The following DDX31 variants were observed in gnomAD, a reference collection of about 807,000 sequenced individuals.
DDX31 encodes the protein DEAD-box helicase 31, also known as ATP-dependent DNA helicase DDX31.
A neutral mutation model predicts 91.3 loss-of-function variants in DDX31; 70 were observed. The ratio of observed to expected loss-of-function variants is 0.77; its 90% CI spans 0.63 to 0.94. The LOEUF (loss-of-function observed/expected upper bound fraction) is 0.94, where lower values mean the gene tolerates loss of function less well. DDX31 is among the 40% of genes least tolerant of loss of function. The pLI is 0.00. For synonymous variants in DDX31, 362 were observed against 350.6 expected (o/e 1.03, Z -0.36); for missense variants, 902 against 925.0 (o/e 0.98, Z 0.32).
chr9:132,649,476 A>G (rs1396590928), intron 9 of DDX31, among the ~76,000 whole-genome samples: 1 of 152,232 alleles, frequency 6.6e-6, no homozygotes, highest in Non-Finnish European at 1.5e-5. Context: ...GCACAAAAAG[A>G]CAGAAAGAGC....
intron 12 of DDX31, 126 bp downstream of exon 12, chr9:132,646,697 C>T (rs1006218246): frequency 2.0e-5 from 17 of 848,016 alleles, no homozygotes; most frequent in Non-Finnish European, 2.6e-5. Context: ...AGTCTGCATC[C>T]GGAATGCAGA....
chr9:132,621,993 TAAAA>T (rs11306949), intron 17 of DDX31, among the ~76,000 whole-genome samples: 11,376 of 143,676 alleles, frequency 0.079, 575 homozygotes, highest in African/African-American at 0.13. Flanking sequence ...CAGCTTTTCT[TAAAA>T]AAAAAAAAAA....
intron 16 of DDX31, among the ~76,000 whole-genome samples, chr9:132,628,030 G>A (rs1234409366): frequency 1.3e-5 from 2 of 152,158 alleles, no homozygotes; most frequent in South Asian, 2.1e-4. Context: ...TGTTGTTGTC[G>A]TTGTTGCTGT....
chr9:132,628,244 A>C (rs1260343630), intron 16 of DDX31, among the ~76,000 whole-genome samples: 1 of 152,206 alleles, frequency 6.6e-6, no homozygotes, highest in Non-Finnish European at 1.5e-5. Context: ...AGCCGACGCC[A>C]GTGAAGTGGG....
chr9:132,611,296 C>T lies in DDX31; in HGVS notation c.1994+791G>A, dbSNP rs117962810. 1.1e-4 allele frequency among the ~76,000 whole-genome samples: 17 copies of T among 152,310 alleles called. No individual in the cohort carries two copies. The East Asian group carries it at 2.1e-3, about 19-fold the overall frequency. ...TGCCCCAAACATTTGTTCAACGGAC[C>T]GTTCCCACATAAACAATGAGACCAT... On this transcript the variant is annotated intron_variant, in intron 19 of 19. Transcript: ENST00000372159.
chr9:132,602,702 G>A (rs942246160), intron 19 of DDX31, among the ~76,000 whole-genome samples: 1 of 152,168 alleles, frequency 6.6e-6, no homozygotes. Flanking sequence ...TTGGAAGTTT[G>A]GCCAAGGTAC....
Position 132,662,347 on chromosome 9 carries a change from TGA to T in DDX31, c.333-13_333-12del. 3.1e-6 allele frequency: 5 copies of T among 1,614,192 alleles called. No homozygotes were observed. Among genetic ancestry groups the T allele is most frequent in the Non-Finnish European group, 4.2e-6 (5 of 1,180,042 alleles). ...TGCTTTACCACAGGTCTGCAAATGA[TGA>T]ACAAGAACCCAGGCATCAGTGCCAA... On this transcript the variant is annotated splice_polypyrimidine_tract_variant and intron_variant, in intron 2 of 19. Coordinates refer to ENST00000372159, the MANE Select transcript of DDX31 (RefSeq NM_022779.9).
intron 14 of DDX31, among the ~76,000 whole-genome samples, chr9:132,635,084 GT>G (rs1214537435): frequency 1.3e-5 from 2 of 152,164 alleles, no homozygotes; most frequent in African/African-American, 4.8e-5. Flanking sequence ...TCATGGTAAG[GT>G]TGCGGTTAGG....
In DDX31 at chr9:132,593,774, C is replaced by G. The variant is rs1457373400; in HGVS notation, c.*1092G>C. Reference sequence around the variant, plus strand: ...CCTTCCAAGGATCTGGGGGGATCTACTGAAGTGGTGCCTCAACACTGGTCC... The same window carrying G: ...CCTTCCAAGGATCTGGGGGGATCTAGTGAAGTGGTGCCTCAACACTGGTCC... On this transcript the variant is annotated 3_prime_UTR_variant, in exon 20 of 20. Transcript: ENST00000372159. The G allele has an allele frequency of 6.6e-6, 1 of 151,998 alleles. No individual in the cohort carries two copies. Among genetic ancestry groups the G allele is most frequent in the African/African-American group, 2.4e-5 (1 of 41,334 alleles). The allele number at this position is 151,998 out of a possible 1,614,324, so 9.4% of individuals were successfully genotyped here. A position where few individuals can be genotyped will look rare whatever the true frequency, so the allele number is the denominator to read the frequency against.
intron 1 of DDX31, among the ~76,000 whole-genome samples, chr9:132,664,255 CTCTTT>C (rs746695827): frequency 3.4e-4 from 51 of 152,212 alleles, no homozygotes; most frequent in Admixed American, 6.5e-5. Flanking sequence ...TCACATAACT[CTCTTT>C]TCTTTCTTCT....
At chr9:132,641,481 G>A (rs1833502459) in intron 14 of DDX31, among the ~76,000 whole-genome samples, 2 of 152,222 alleles carry the variant, frequency 1.3e-5, no homozygotes, top group South Asian at 4.1e-4. Flanking sequence ...GAGCACAAGA[G>A]GCATGAGTTT....
chr9:132,597,895 G>A (rs1444428406), intron 19 of DDX31, among the ~76,000 whole-genome samples: 1 of 152,244 alleles, frequency 6.6e-6, no homozygotes, highest in Non-Finnish European at 1.5e-5. Context: ...GAGGGCCCAC[G>A]TGGTGGAAGA....
intron 19 of DDX31, among the ~76,000 whole-genome samples, chr9:132,596,297 G>A (rs965628278): frequency 1.3e-5 from 2 of 152,182 alleles, no homozygotes; most frequent in Non-Finnish European, 2.9e-5. Context: ...CATTATAAAC[G>A]AGCTAAAGCA....
rs565853541 is a variant in DDX31 at position 132,613,473 on chromosome 9, C to T, written c.1826-1218G>A. Among the ~76,000 whole-genome samples the T allele has an allele frequency of 5.3e-5, 8 of 152,274 alleles. No individual in the cohort carries two copies. The East Asian group carries it at 1.2e-3, about 22-fold the overall frequency. On this transcript the variant is annotated intron_variant, in intron 18 of 19. Coordinates refer to ENST00000372159, the MANE Select transcript of DDX31 (RefSeq NM_022779.9). ...CTTTGGGAGGCCAAGTCGGGGGGATCACCTGAGGTCAGGAGTTTGAGACCA... is the reference window on the plus strand; with the variant it reads ...CTTTGGGAGGCCAAGTCGGGGGGATTACCTGAGGTCAGGAGTTTGAGACCA...
chr9:132,600,476 AG>A (rs1466293860), intron 19 of DDX31, among the ~76,000 whole-genome samples: 1 of 152,180 alleles, frequency 6.6e-6, no homozygotes, highest in African/African-American at 2.4e-5. Flanking sequence ...GATCTAGTGA[AG>A]CTCAGAACTC....
At position 132,593,487 on chromosome 9, in the gene DDX31, T is replaced by A. The variant is rs752367256; in HGVS notation, c.*1379A>T. Reference sequence around the variant, plus strand: ...CATGTGCTGCAGGGTTGTTGTTTTTTAATTATTATTGTTAGAAACGTCACC... The same window carrying A: ...CATGTGCTGCAGGGTTGTTGTTTTTAAATTATTATTGTTAGAAACGTCACC... On this transcript the variant is annotated 3_prime_UTR_variant, in exon 20 of 20. Coordinates refer to ENST00000372159, the MANE Select transcript of DDX31 (RefSeq NM_022779.9). The A allele has an allele frequency of 6.6e-6, 1 of 152,226 alleles. No homozygotes were observed. Among genetic ancestry groups the A allele is most frequent in the African/African-American group, 2.4e-5 (1 of 41,454 alleles). The allele number at this position is 152,226 out of a possible 1,614,324, so 9.4% of individuals were successfully genotyped here. A position where few individuals can be genotyped will look rare whatever the true frequency, so the allele number is the denominator to read the frequency against.
At chr9:132,661,767 A>G (rs1247808245) in intron 3 of DDX31, among the ~76,000 whole-genome samples, 1 of 152,050 alleles carries the variant, frequency 6.6e-6, no homozygotes, top group African/African-American at 2.4e-5. Flanking sequence ...TTTTTCCTTT[A>G]AAGTGTCCAT....
chr9:132,660,823 C>A (rs951275770), intron 4 of DDX31, among the ~76,000 whole-genome samples: 1 of 152,116 alleles, frequency 6.6e-6, no homozygotes. Context: ...TTTTCAGTAT[C>A]CCACTCTATC....
At chr9:132,600,344 G>C (rs764624514) in intron 19 of DDX31, among the ~76,000 whole-genome samples, 2 of 152,160 alleles carry the variant, frequency 1.3e-5, no homozygotes, top group East Asian at 3.9e-4. Flanking sequence ...GAAGACACTC[G>C]GCTCCAGTTG....
Sources: gnomAD v4.1 joint callset for allele counts (sites outside exome capture counted in the v4.1 genomes callset) on GRCh38, gnomAD v4.1.1 for gene constraint, MANE v1.5 for transcripts, NCBI Gene and HGNC (gene_info 2026-07-23, HGNC 2026-07-21) for gene names.